SLC22A31: variants seen among roughly 807,000 people sequenced by gnomAD.
SLC22A31 encodes putative solute carrier family 22 member 31.
A neutral mutation model predicts 27.4 loss-of-function variants in SLC22A31; 42 were observed. The observed-to-expected ratio is 1.53, with a 90% CI of 1.20 to 1.98. The LOEUF (loss-of-function observed/expected upper bound fraction) is 1.98. SLC22A31 is among the 30% of genes most tolerant of loss of function. The probability of loss-of-function intolerance (pLI) is 0.00; values close to 1 mark genes in which losing one functional copy is unlikely to be tolerated. For synonymous variants in SLC22A31, 290 were observed against 230.8 expected (o/e 1.26, Z -2.33); for missense variants, 593 against 479.9 (o/e 1.24, Z -2.20).
Position 89,199,119 on chromosome 16 carries a change from G to C in SLC22A31, c.356C>G (p.Thr119Ser). 3.9e-6 allele frequency: 6 copies of C among 1,534,394 alleles called. No homozygotes were observed. Among genetic ancestry groups the C allele is most frequent in the African/African-American group, 1.4e-5 (1 of 72,788 alleles). Residue 119 changes from threonine (T) to serine (S), a missense_variant, in exon 4 of 9, where the codon ACC (threonine) becomes AGC (serine). Coordinates refer to ENST00000682282, the MANE Select transcript of SLC22A31 (RefSeq NM_001384763.1). ...MGAGLFSVVG[T>S]LLLPGLAALV... ...CGCAGCCAGGCCGGGCAGCAGCAGG[G>C]TGCCCACCACCGAGAAAAGGCCAGC...
intron 8 of SLC22A31, 108 bp downstream of exon 8, chr16:89,197,190 G>T: frequency 1.3e-6 from 1 of 793,682 alleles, no homozygotes; most frequent in Non-Finnish European, 2.0e-6. Flanking sequence ...GGAATCACAG[G>T]CAGGAACCTG....
intron 1 of SLC22A31, 142 bp from the exon 2 acceptor site, chr16:89,199,958 G>A: frequency 1.0e-5 from 4 of 398,644 alleles, no homozygotes; most frequent in East Asian, 3.6e-5. Context: ...ACTGAGGCAT[G>A]AGAGGGCAAG....
At position 89,196,002 on chromosome 16, in the gene SLC22A31, G is replaced by A; in HGVS notation, c.1338C>T (p.His446=). The A allele has an allele frequency of 1.3e-6, 2 of 1,502,846 alleles. No homozygotes were observed. The highest frequency in any genetic ancestry group is 1.3e-5 in the South Asian group (1 of 78,414). 93.1% of individuals were successfully genotyped at this position (1,502,846 alleles called of 1,614,324 possible). ...SYWAGHTPEQ[H] ...CTCCCAGGGCCACCAGGCAGGACTA[G>A]TGCTGCTCGGGGGTGTGGCCGGCCC... Residue 446 remains histidine (H), a synonymous_variant, in exon 9 of 9, where the codon CAC becomes CAT. Coordinates refer to ENST00000682282, the MANE Select transcript of SLC22A31 (RefSeq NM_001384763.1).
rs1325311344 is a variant in SLC22A31, at chr16:89,199,101, A to C, written c.374T>G (p.Leu125Arg). 6.5e-7 allele frequency: 1 copy of C among 1,535,624 alleles called. No individual in the cohort carries two copies. Among genetic ancestry groups the C allele is most frequent in the East Asian group, 2.4e-5 (1 of 40,928 alleles). ...SVVGTLLLPG[L>R]AALVQDWRLL... is the part of the protein sequence containing the mutation. Reference sequence around the variant, plus strand: ...ACGCCAGTCCTGCACAAGCGCAGCCAGGCCGGGCAGCAGCAGGGTGCCCAC... The same window carrying C: ...ACGCCAGTCCTGCACAAGCGCAGCCCGGCCGGGCAGCAGCAGGGTGCCCAC... The change falls in exon 4 of 9, where the codon CTG becomes CGG. Residue 125 changes from leucine (L) to arginine (R), a missense_variant. Transcript: ENST00000682282.
Position 89,196,097 on chromosome 16 carries a change from G to C in SLC22A31, c.1243C>G (p.Arg415Gly), listed in dbSNP as rs1270235702. Residue 415 changes from arginine to glycine, a missense_variant, in exon 9 of 9, where the codon CGC becomes GGC. Arg to Gly is a moderately radical substitution (Grantham distance 125). Coordinates refer to ENST00000682282, the MANE Select transcript of SLC22A31 (RefSeq NM_001384763.1). Reference protein sequence around the residue: ...QSLQDADRLRRSPLLRGRPRQ... With the variant: ...QSLQDADRLRGSPLLRGRPRQ... ...GGGCGGCCCCGCAGGAGTGGGGAGC[G>C]GCGCAGGCGGTCGGCGTCCTGCAGT... is the stretch of plus-strand genomic sequence containing the variant. The C allele has an allele frequency of 1.3e-6, 2 of 1,533,746 alleles. No homozygotes were observed. The highest frequency in any genetic ancestry group is 8.7e-7 in the Non-Finnish European group (1 of 1,146,302).
chr16:89,199,040 G>A lies in SLC22A31; in HGVS notation c.435C>T (p.Leu145=), dbSNP rs1488600771. The change falls in exon 4 of 9, where the codon CTC becomes CTT. Residue 145 remains leucine, a synonymous_variant. Coordinates refer to ENST00000682282, the MANE Select transcript of SLC22A31 (RefSeq NM_001384763.1). ...ACACTTACCCCCAAAAGAGCAGCAA[G>A]AGTCCACTCATCAGGGCACCCAGCC... ...LQGLGALMSG[L]LLLFWGFPAL... The A allele has an allele frequency of 6.5e-6, 10 of 1,535,648 alleles. No homozygotes were observed. The East Asian group carries it at 7.3e-5, about 11-fold the overall frequency.
Position 89,198,516 on chromosome 16 carries a change from GGGCTGGGGGCTCCGT to G in SLC22A31, c.618_632del (p.Ser208_Arg212del). 6.6e-7 allele frequency: 1 copy of G among 1,511,616 alleles called. No individual in the cohort carries two copies. Among genetic ancestry groups the G allele is most frequent in the Non-Finnish European group, 8.8e-7 (1 of 1,132,628 alleles). 93.6% of individuals were successfully genotyped at this position (1,511,616 alleles called of 1,614,324 possible). A position where few individuals can be genotyped will look rare whatever the true frequency, so the allele number is the denominator to read the frequency against. On this transcript the variant is annotated inframe_deletion, in exon 6 of 9. Coordinates refer to ENST00000682282, the MANE Select transcript of SLC22A31 (RefSeq NM_001384763.1). ...GAAGCCCCAGTGGGGAGTGGTACCGGGGCTGGGGGCTCCGTGCAGACAGCATGGTCAGCTCTGTAG... is the reference window on the plus strand; with the variant it reads ...GAAGCCCCAGTGGGGAGTGGTACCGGGCAGACAGCATGGTCAGCTCTGTAG...
intron 8 of SLC22A31, among the ~76,000 whole-genome samples, chr16:89,196,670 G>T (rs547736805): frequency 6.6e-6 from 1 of 152,200 alleles, no homozygotes; most frequent in African/African-American, 2.4e-5. Flanking sequence ...GAAAGTGGCC[G>T]GGCACAGTGG....
chr16:89,200,916 A>G (rs1916541727), upstream of SLC22A31, among the ~76,000 whole-genome samples: 1 of 152,202 alleles, frequency 6.6e-6, no homozygotes, highest in South Asian at 2.1e-4. Flanking sequence ...TTGGAAAGCC[A>G]GCCCAAAGCC....
chr16:89,197,485 A>G, intron 7 of SLC22A31, 76 bp from the exon 8 acceptor site: 1 of 1,048,446 alleles, frequency 9.5e-7, no homozygotes, highest in Non-Finnish European at 1.4e-6. Flanking sequence ...CCTTCCCCAG[A>G]GAACCACACC....
Position 89,198,632 on chromosome 16 carries a change from C to T in SLC22A31, c.598+20G>A, listed in dbSNP as rs188821720. ...CTCCTCCAGTACCTGAATCTCCCTC[C>T]TCCCTGGTAGGCGCCTGACCTGTAG... On this transcript the variant is annotated intron_variant, in intron 5 of 8. Transcript: ENST00000682282. 1.0e-3 allele frequency: 1,530 copies of T among 1,532,404 alleles called. 3 individuals are homozygous for T. The highest frequency in any genetic ancestry group is 1.3e-3 in the Non-Finnish European group (1,433 of 1,144,188). 94.9% of individuals were successfully genotyped at this position (1,532,404 alleles called of 1,614,324 possible).
intron 1 of SLC22A31, 101 bp from the exon 2 acceptor site, chr16:89,199,917 C>A: frequency 2.5e-6 from 1 of 400,240 alleles, no homozygotes; most frequent in South Asian, 1.3e-4. Context: ...CCTCCATGTC[C>A]TGCTCAATCC....
In SLC22A31 at chr16:89,199,428, C is replaced by T. The variant is rs1463663406; in HGVS notation, c.268G>A (p.Ala90Thr). 14 of 546,932 alleles carry T rather than the reference C, an allele frequency of 2.6e-5. No individual in the cohort carries two copies. Among genetic ancestry groups the T allele is most frequent in the South Asian group, 5.4e-5 (2 of 37,282 alleles). 33.9% of individuals were successfully genotyped at this position (546,932 alleles called of 1,614,324 possible). A position where few individuals can be genotyped will look rare whatever the true frequency, so the allele number is the denominator to read the frequency against. ...GGGTACTCACGAGCCAGATACAGGG[C>T]GAGGAGGGCCCCTGCCAATGTGCCC... is the stretch of plus-strand genomic sequence containing the variant. The part of the protein sequence containing the change: ...HGGTLAGALL[A>T]LYLARLELCD... The change falls in exon 3 of 9, where the codon GCC (alanine) becomes ACC (threonine). Residue 90 changes from alanine to threonine, a missense_variant. Physicochemically the swap from Ala to Thr is moderately conservative, Grantham distance 58. Coordinates refer to ENST00000682282, the MANE Select transcript of SLC22A31 (RefSeq NM_001384763.1).
Position 89,196,080 on chromosome 16 carries a change from C to T in SLC22A31, c.1260G>A (p.Arg420=). 2 of 1,532,532 alleles carry T rather than the reference C, an allele frequency of 1.3e-6. No homozygotes were observed. The highest frequency in any genetic ancestry group is 2.4e-5 in the East Asian group (1 of 40,846). 94.9% of individuals were successfully genotyped at this position (1,532,532 alleles called of 1,614,324 possible). A position where few individuals can be genotyped will look rare whatever the true frequency, so the allele number is the denominator to read the frequency against. The part of the protein sequence containing the change: ...ADRLRRSPLL[R]GRPRQDHLPL... ...GCAGGTGGTCCTGGCGGGGGCGGCC[C>T]CGCAGGAGTGGGGAGCGGCGCAGGC... is the stretch of plus-strand genomic sequence containing the variant. Residue 420 remains arginine, a synonymous_variant, in exon 9 of 9, where the codon CGG becomes CGA. Transcript: ENST00000682282.
intron 8 of SLC22A31, 192 bp from the exon 9 acceptor site, chr16:89,196,497 G>T: frequency 9.4e-7 from 1 of 1,066,000 alleles, no homozygotes; most frequent in Non-Finnish European, 1.3e-6. Context: ...GGGGGCAGCT[G>T]GTGGGGCAAC....
chr16:89,196,344 GCCC>G lies in SLC22A31; in HGVS notation c.1035-42_1035-40del, dbSNP rs1915914345. On this transcript the variant is annotated intron_variant, in intron 8 of 8. Coordinates refer to ENST00000682282, the MANE Select transcript of SLC22A31 (RefSeq NM_001384763.1). ...TGTGTTGGGGGCAGCCAGCCTCCTG[GCCC>G]AGGAACCCGGCCCCCAGCACCAGGC... The G allele has an allele frequency of 4.8e-5, 51 of 1,061,574 alleles. No homozygotes were observed. In the South Asian group the frequency reaches 7.1e-4, roughly 15 times the overall value. 65.8% of individuals were successfully genotyped at this position (1,061,574 alleles called of 1,614,324 possible). A position where few individuals can be genotyped will look rare whatever the true frequency, so the allele number is the denominator to read the frequency against.
chr16:89,200,008 G>T, intron 1 of SLC22A31, 192 bp from the exon 2 acceptor site: 1 of 395,592 alleles, frequency 2.5e-6, no homozygotes, highest in Non-Finnish European at 4.4e-6. Context: ...TCTGGTCTCC[G>T]GCAGCCCCTG....
At chr16:89,200,969 G>A (rs535698835), upstream of SLC22A31, 139 of 348,132 alleles carry the variant, frequency 4.0e-4, 1 homozygote, top group African/African-American at 2.6e-3. Flanking sequence ...CAAATTCCAG[G>A]CCCTGCTCCC....
rs1043723610 is a variant in SLC22A31, at chr16:89,199,410, C to T, written c.283+3G>A. 3 of 575,570 alleles carry T rather than the reference C, an allele frequency of 5.2e-6. No individual in the cohort carries two copies. Among genetic ancestry groups the T allele is most frequent in the African/African-American group, 1.9e-5 (1 of 53,618 alleles). 35.7% of individuals were successfully genotyped at this position (575,570 alleles called of 1,614,324 possible). On this transcript the variant is annotated splice_donor_region_variant and intron_variant, in intron 3 of 8. Coordinates refer to ENST00000682282, the MANE Select transcript of SLC22A31 (RefSeq NM_001384763.1). ...CAGTGACAGCAGCCCCCAGGGTACT[C>T]ACGAGCCAGATACAGGGCGAGGAGG...
Sources: gnomAD v4.1 joint callset for allele counts (sites outside exome capture counted in the v4.1 genomes callset) on GRCh38, gnomAD v4.1.1 for gene constraint, MANE v1.5 for transcripts, NCBI Gene and HGNC (gene_info 2026-07-23, HGNC 2026-07-21) for gene names.